Variants in SGCD observed in about 807,000 individuals in gnomAD.
SGCD encodes delta-sarcoglycan.
A neutral mutation model predicts 36.6 loss-of-function variants in SGCD; 18 were observed. That is an observed-to-expected ratio of 0.49 (90% confidence interval 0.34 to 0.73). The LOEUF is 0.73. Among genes scored for constraint, SGCD ranks in the 30% least tolerant of loss-of-function variants. The pLI, the probability that SGCD is intolerant of heterozygous loss-of-function variation, is 0.01. For synonymous variants in SGCD, 133 were observed against 130.6 expected, an observed-to-expected ratio of 1.02 and a Z score of -0.12; for missense variants, 387 against 346.7, an observed-to-expected ratio of 1.12 and a Z score of -0.92.
chr5:155,985,902 A>G (rs1249058725), intron 1 of SGCD, among the ~76,000 whole-genome samples: 2 of 152,074 alleles, frequency 1.3e-5, no homozygotes, highest in African/African-American at 2.4e-5. Flanking sequence ...GCCTCCTCTC[A>G]GGTGTTTGCA....
chr5:156,073,063 G>A (rs1304626558), intron 1 of SGCD, among the ~76,000 whole-genome samples: 2 of 151,972 alleles, frequency 1.3e-5, no homozygotes, highest in Non-Finnish European at 1.5e-5. Flanking sequence ...CAACTTCTTT[G>A]CCTTTGGTTT....
intron 3 of SGCD, among the ~76,000 whole-genome samples, chr5:156,177,969 A>G (rs4704987): frequency 0.29 from 44,723 of 152,134 alleles, 7,012 homozygotes; most frequent in East Asian, 0.57. Flanking sequence ...GTCAAGATGG[A>G]TTTAATACAG....
chr5:156,412,950 C>T (rs1027223095), intron 3 of SGCD, among the ~76,000 whole-genome samples: 17 of 151,890 alleles, frequency 1.1e-4, no homozygotes, highest in Non-Finnish European at 2.4e-4. Flanking sequence ...CGCCCGCCAC[C>T]GCGCCCAGCT....
At chr5:155,839,320 T>C in the SGCD span, among the ~76,000 whole-genome samples, 1 of 152,176 alleles carries the variant, frequency 6.6e-6, no homozygotes, top group Non-Finnish European at 1.5e-5. Context: ...TAAAGTTACA[T>C]ATGGCATGTC....
intron 1 of SGCD, among the ~76,000 whole-genome samples, chr5:155,980,812 A>G (rs1758212712): frequency 6.6e-6 from 1 of 152,118 alleles, no homozygotes; most frequent in Non-Finnish European, 1.5e-5. Context: ...ACACAAAAAA[A>G]CAAAATCATT....
At chr5:156,612,918 G>C (rs539164132) in intron 6 of SGCD, among the ~76,000 whole-genome samples, 3 of 152,176 alleles carry the variant, frequency 2.0e-5, no homozygotes, top group African/African-American at 7.2e-5. Flanking sequence ...TATAAAGACT[G>C]CAGAACTCTC....
At chr5:156,531,764 GAACCAC>G (rs1757900089) in intron 4 of SGCD, among the ~76,000 whole-genome samples, 1 of 151,892 alleles carries the variant, frequency 6.6e-6, no homozygotes, top group Non-Finnish European at 1.5e-5. Context: ...ATGTCCAGGA[GAACCAC>G]TGAGGCTAAA....
intron 1 of SGCD, among the ~76,000 whole-genome samples, chr5:156,035,181 G>A (rs956511217): frequency 6.6e-6 from 1 of 152,144 alleles, no homozygotes; most frequent in Non-Finnish European, 1.5e-5. Flanking sequence ...TTTCTACTTT[G>A]AAATGCTAAT....
chr5:156,314,882 T>C (rs1289795414), intron 3 of SGCD, among the ~76,000 whole-genome samples: 1 of 152,010 alleles, frequency 6.6e-6, no homozygotes, highest in Non-Finnish European at 1.5e-5. Flanking sequence ...TACGGATTTT[T>C]TTCAGTTACA....
intron 1 of SGCD, among the ~76,000 whole-genome samples, chr5:156,088,521 A>G (rs750146998): frequency 4.6e-5 from 7 of 151,756 alleles, no homozygotes; most frequent in Non-Finnish European, 1.0e-4. Flanking sequence ...GTTTGTTGAG[A>G]CAAGGTCTTG....
intron 3 of SGCD, among the ~76,000 whole-genome samples, chr5:156,481,804 T>TC (rs1755441415): frequency 6.6e-6 from 1 of 152,166 alleles, no homozygotes; most frequent in African/African-American, 2.4e-5. Flanking sequence ...GAACCCAGGA[T>TC]CAGGGTCGGA....
intron 1 of SGCD, among the ~76,000 whole-genome samples, chr5:155,962,011 C>T (rs915621211): frequency 8.6e-5 from 13 of 151,960 alleles, no homozygotes; most frequent in East Asian, 1.9e-4. Flanking sequence ...TTGAGTGCTA[C>T]GCATCAAATG....
At chr5:155,879,105 G>A (rs1256540824) in intron 1 of SGCD, among the ~76,000 whole-genome samples, 1 of 151,978 alleles carries the variant, frequency 6.6e-6, no homozygotes, top group Non-Finnish European at 1.5e-5. Context: ...TTGGACTGGA[G>A]GCTAGACAGA....
chr5:156,566,711 T>C (rs1561783021), intron 4 of SGCD, among the ~76,000 whole-genome samples: 1 of 152,130 alleles, frequency 6.6e-6, no homozygotes, highest in Non-Finnish European at 1.5e-5. Flanking sequence ...ATGACAGATA[T>C]AAAAATAAAT....
At chr5:155,752,885 T>C in the SGCD span, among the ~76,000 whole-genome samples, 1 of 152,130 alleles carries the variant, frequency 6.6e-6, no homozygotes, top group Non-Finnish European at 1.5e-5. Context: ...AAAAATGAGA[T>C]TCAGAGCATT....
chr5:156,503,874 T>A (rs78163620), intron 3 of SGCD, among the ~76,000 whole-genome samples: 2 of 152,158 alleles, frequency 1.3e-5, no homozygotes, highest in African/African-American at 2.4e-5. Context: ...AGTTTTTTTT[T>A]AATTACTATT....
intron 1 of SGCD, among the ~76,000 whole-genome samples, chr5:155,894,286 C>A (rs942324103): frequency 6.6e-6 from 1 of 152,166 alleles, no homozygotes; most frequent in African/African-American, 2.4e-5. Flanking sequence ...ATTATGGTTT[C>A]ATCAGTAGGC....
chr5:156,369,077 G>A (rs936307270), intron 3 of SGCD, among the ~76,000 whole-genome samples: 1 of 152,168 alleles, frequency 6.6e-6, no homozygotes, highest in African/African-American at 2.4e-5. Context: ...AGATCTATAA[G>A]TGTCTGTGGA....
At chr5:156,169,459 T>TA (rs1763292845) in intron 3 of SGCD, among the ~76,000 whole-genome samples, 1 of 152,244 alleles carries the variant, frequency 6.6e-6, no homozygotes, top group African/African-American at 2.4e-5. Context: ...AATTGTTTAC[T>TA]AAAAATCAAC....
Sources: allele counts gnomAD v4.1 joint callset (sites outside exome capture counted in the v4.1 genomes callset), GRCh38; gene constraint gnomAD v4.1.1; transcripts MANE v1.5; gene names NCBI Gene and HGNC (gene_info 2026-07-23, HGNC 2026-07-21).